Variants in RNF144A observed in about 807,000 individuals in gnomAD.
RNF144A encodes E3 ubiquitin-protein ligase RNF144A.
In RNF144A, 11 loss-of-function variants were observed where a neutral mutation model predicts 38.7. The observed-to-expected ratio is 0.28, with a 90% CI of 0.18 to 0.47. RNF144A has a LOEUF of 0.47. Among genes scored for constraint, RNF144A ranks in the 20% least tolerant of loss-of-function variants. The pLI, the probability that RNF144A is intolerant of heterozygous loss-of-function variation, is 0.99. For synonymous variants in RNF144A, 149 were observed against 143.9 expected, an observed-to-expected ratio of 1.04 and a Z score of -0.25; for missense variants, 316 against 377.2, an observed-to-expected ratio of 0.84 and a Z score of 1.34.
At chr2:7,073,985 C>G in the RNF144A span, among the ~76,000 whole-genome samples, 4 of 152,216 alleles carry the variant, frequency 2.6e-5, no homozygotes, top group African/African-American at 9.6e-5. Flanking sequence ...TTATCATCCC[C>G]CTTACTTGAC....
intron 1 of RNF144A, among the ~76,000 whole-genome samples, chr2:6,934,132 A>G (rs1665394867): frequency 6.6e-6 from 1 of 152,206 alleles, no homozygotes; most frequent in Non-Finnish European, 1.5e-5. Flanking sequence ...TAAGAAATGG[A>G]TGAAAGTTCC....
intron 1 of RNF144A, among the ~76,000 whole-genome samples, chr2:6,925,009 C>G (rs1664771434): frequency 6.6e-6 from 1 of 152,172 alleles, no homozygotes; most frequent in South Asian, 2.1e-4. Context: ...CACCTGGGTC[C>G]TTCTGTGAGT....
intron 2 of RNF144A, among the ~76,000 whole-genome samples, chr2:6,955,686 C>T (rs1440543845): frequency 6.6e-6 from 1 of 152,180 alleles, no homozygotes; most frequent in East Asian, 1.9e-4. Flanking sequence ...TCTGTTGCAT[C>T]CTAGCACCGT....
chr2:7,034,534 C>A (rs916909166), intron 8 of RNF144A, among the ~76,000 whole-genome samples: 1 of 152,212 alleles, frequency 6.6e-6, no homozygotes, highest in Non-Finnish European at 1.5e-5. Flanking sequence ...GTCCTTCCTC[C>A]GGGCTGCTAC....
At chr2:6,997,670 G>A (rs773895526) in intron 3 of RNF144A, among the ~76,000 whole-genome samples, 1 of 152,166 alleles carries the variant, frequency 6.6e-6, no homozygotes, top group African/African-American at 2.4e-5. Flanking sequence ...AAATGAGTGT[G>A]TGAGGTTTAC....
intron 2 of RNF144A, among the ~76,000 whole-genome samples, chr2:6,986,204 C>G (rs1266423167): frequency 2.0e-5 from 3 of 152,034 alleles, no homozygotes; most frequent in Non-Finnish European, 4.4e-5. Flanking sequence ...GTGACAGCCT[C>G]AGGGTCACAT....
chr2:6,937,376 A>G (rs2103290566), intron 1 of RNF144A, among the ~76,000 whole-genome samples: 1 of 152,220 alleles, frequency 6.6e-6, no homozygotes, highest in Admixed American at 6.5e-5. Context: ...CCCAGGAGCC[A>G]CACTGGGCTC....
At chr2:7,050,524 C>T (rs942710261) in intron 6 of RNF144A, among the ~76,000 whole-genome samples, 7 of 152,170 alleles carry the variant, frequency 4.6e-5, no homozygotes, top group Non-Finnish European at 1.5e-5. Context: ...ACACCTGGGG[C>T]CTCCTAAAGT....
At chr2:6,960,802 G>A (rs997163215) in intron 2 of RNF144A, among the ~76,000 whole-genome samples, 1 of 152,170 alleles carries the variant, frequency 6.6e-6, no homozygotes, top group Non-Finnish European at 1.5e-5. Flanking sequence ...GTCTGTGGCA[G>A]TTTCAGGCTC....
At chr2:7,011,424 A>G (rs969057430) in intron 3 of RNF144A, among the ~76,000 whole-genome samples, 1 of 152,244 alleles carries the variant, frequency 6.6e-6, no homozygotes, top group Non-Finnish European at 1.5e-5. Flanking sequence ...ACAGACAAAC[A>G]TAAAACCTCA....
intron 2 of RNF144A, among the ~76,000 whole-genome samples, chr2:6,980,090 C>G (rs1334247739): frequency 6.6e-6 from 1 of 152,168 alleles, no homozygotes; most frequent in Admixed American, 6.5e-5. Context: ...GAAACTGCCC[C>G]CATGATCCAG....
intron 6 of RNF144A, among the ~76,000 whole-genome samples, chr2:7,066,314 C>T (rs1674220813): frequency 6.6e-6 from 1 of 152,116 alleles, no homozygotes; most frequent in South Asian, 2.1e-4. Context: ...GTCTTGATCT[C>T]CTGACCTCGT....
At chr2:7,009,210 G>A (rs1280715980) in intron 3 of RNF144A, among the ~76,000 whole-genome samples, 3 of 152,230 alleles carry the variant, frequency 2.0e-5, no homozygotes, top group African/African-American at 4.8e-5. Flanking sequence ...GGATACTGAA[G>A]GGGTAAGAAG....
intron 7 of RNF144A, among the ~76,000 whole-genome samples, chr2:7,027,039 C>G (rs1383031677): frequency 5.9e-5 from 9 of 152,326 alleles, no homozygotes; most frequent in Non-Finnish European, 1.3e-4. Flanking sequence ...CACATAAATG[C>G]ACGGCCTGAA....
chr2:7,034,404 T>C (rs1672527983), intron 8 of RNF144A, among the ~76,000 whole-genome samples: 1 of 152,168 alleles, frequency 6.6e-6, no homozygotes. Context: ...CCACCCTCCT[T>C]AGGAGCCCCA....
intron 3 of RNF144A, among the ~76,000 whole-genome samples, chr2:7,003,399 T>C (rs1319264158): frequency 6.6e-6 from 1 of 152,212 alleles, no homozygotes; most frequent in Non-Finnish European, 1.5e-5. Context: ...AAGTATATGA[T>C]TTTTTACATC....
chr2:6,984,388 C>T (rs928404099), intron 2 of RNF144A, among the ~76,000 whole-genome samples: 12 of 152,002 alleles, frequency 7.9e-5, no homozygotes, highest in Non-Finnish European at 1.2e-4. Context: ...CTGCAACCTC[C>T]GCCTCCTGGG....
downstream of RNF144A, among the ~76,000 whole-genome samples, chr2:7,046,690 G>A (rs534692549): frequency 5.9e-5 from 9 of 152,234 alleles, no homozygotes; most frequent in Admixed American, 1.3e-4. Flanking sequence ...CCTGAGAAAC[G>A]AACAGCTCAC....
At chr2:7,016,968 G>A (rs1329982307) in intron 5 of RNF144A, among the ~76,000 whole-genome samples, 3 of 152,164 alleles carry the variant, frequency 2.0e-5, no homozygotes, top group Admixed American at 6.5e-5. Context: ...GGAGCTCTGG[G>A]GCAAGCAGGA....
Sources: gnomAD v4.1 joint callset for allele counts (sites outside exome capture counted in the v4.1 genomes callset) on GRCh38, gnomAD v4.1.1 for gene constraint, MANE v1.5 for transcripts, NCBI Gene and HGNC (gene_info 2026-07-23, HGNC 2026-07-21) for gene names.